The following TBC1D4 variants were observed in gnomAD, a reference collection of about 807,000 sequenced individuals.
TBC1D4 encodes TBC1 domain family member 4.
Under a neutral mutation model 142.5 loss-of-function variants are expected in TBC1D4, and 121 were observed. The ratio of observed to expected loss-of-function variants is 0.85; its 90% CI spans 0.73 to 0.99. TBC1D4 has a LOEUF of 0.99. Ranked by LOEUF, TBC1D4 falls within the 50% of genes least tolerant of loss-of-function variation. The pLI is 0.00. For synonymous variants in TBC1D4, 630 were observed against 628.2 expected (o/e 1.00, Z -0.04); for missense variants, 1,475 against 1,606.6 (o/e 0.92, Z 1.40).
chr13:75,422,017 C>T (rs921693474), intron 1 of TBC1D4, among the ~76,000 whole-genome samples: 1 of 152,212 alleles, frequency 6.6e-6, no homozygotes, highest in Admixed American at 6.5e-5. Flanking sequence ...TGGTCTCTAA[C>T]TCCTGGGATC....
rs182584224 is a variant in TBC1D4 at position 75,336,265 on chromosome 13, C to T, written c.1731+656G>A. Among the ~76,000 whole-genome samples the T allele has an allele frequency of 3.4e-4, 51 of 152,052 alleles. 1 individual carries two copies. The highest frequency in any genetic ancestry group is 1.9e-3 in the Admixed American group (29 of 15,268). On this transcript the variant is annotated intron_variant, in intron 8 of 20. Coordinates refer to ENST00000377636, the MANE Select transcript of TBC1D4 (RefSeq NM_014832.5). ...TACAAAAATTAGCCAGGCGTGGTGG[C>T]GCGCACCTGTAGTCCCAGCTACTCA...
chr13:75,377,588 A>G (rs1883587691), intron 1 of TBC1D4, among the ~76,000 whole-genome samples: 2 of 151,864 alleles, frequency 1.3e-5, no homozygotes, highest in South Asian at 4.2e-4. Context: ...AAAACAAGAC[A>G]TTCGGTTACT....
chr13:75,341,372 T>C (rs1880687127), intron 6 of TBC1D4, 124 bp downstream of exon 6: 5 of 1,231,078 alleles, frequency 4.1e-6, no homozygotes, highest in Admixed American at 1.8e-5. Flanking sequence ...TTCTATTCTA[T>C]CCAGTAGTAC....
In TBC1D4 at chr13:75,301,644, C is replaced by CAA. The variant is rs35184321; in HGVS notation, c.2911+597_2911+598dup. ...TGGGCAACAGAGGGAGACTCCATCT[C>CAA]AAAAAAAAAAAAAAGACTGCTTTAT... is the stretch of plus-strand genomic sequence containing the variant. On this transcript the variant is annotated intron_variant, in intron 16 of 20. Coordinates refer to ENST00000377636, the MANE Select transcript of TBC1D4 (RefSeq NM_014832.5). Among the ~76,000 whole-genome samples the CAA allele has an allele frequency of 0.011, 1,376 of 124,130 alleles. 54 individuals carry two copies. In the East Asian group the frequency reaches 0.14, roughly 13 times the overall value. The allele number at this position is 124,130 out of a possible 152,430, so 81.4% of individuals were successfully genotyped here. A position where few individuals can be genotyped will look rare whatever the true frequency, so the allele number is the denominator to read the frequency against.
intron 1 of TBC1D4, among the ~76,000 whole-genome samples, chr13:75,409,032 T>TACACAC (rs1328091957): frequency 2.3e-5 from 1 of 42,702 alleles, no homozygotes; most frequent in Non-Finnish European, 4.3e-5. Context: ...CATATATATA[T>TACACAC]ACACACACGC....
Position 75,305,984 on chromosome 13 carries a change from A to G in TBC1D4, c.2752+329T>C, listed in dbSNP as rs929152531. Among the ~76,000 whole-genome samples, 16 of 152,352 alleles carry G rather than the reference A, an allele frequency of 1.1e-4. No individual in the cohort carries two copies. The South Asian group carries it at 1.7e-3, about 16-fold the overall frequency. ...GTCATGTAAATATACACATATATGTAAATGAATACTTCTGACCAAATGATG... is the reference window on the plus strand; with the variant it reads ...GTCATGTAAATATACACATATATGTGAATGAATACTTCTGACCAAATGATG... On this transcript the variant is annotated intron_variant, in intron 15 of 20. Transcript: ENST00000377636.
intron 11 of TBC1D4, among the ~76,000 whole-genome samples, chr13:75,322,788 A>C (rs1202773640): frequency 1.3e-5 from 2 of 152,164 alleles, no homozygotes; most frequent in Non-Finnish European, 2.9e-5. Flanking sequence ...TGATATCTTT[A>C]TGTATATTCT....
rs34370058 is a variant in TBC1D4, at chr13:75,448,580, A to AC, written c.498+32689_498+32690insG. ...CGAAACTCCGTCTCAAAAAAAAAAA[A>AC]AAACAATAACAACAACAACAAAAAC... On this transcript the variant is annotated intron_variant, in intron 1 of 20. Coordinates refer to ENST00000377636, the MANE Select transcript of TBC1D4 (RefSeq NM_014832.5). 4.2e-3 allele frequency among the ~76,000 whole-genome samples: 630 copies of AC among 151,690 alleles called. 8 individuals are homozygous for AC. Among genetic ancestry groups the AC allele is most frequent in the African/African-American group, 0.013 (556 of 41,394 alleles).
At chr13:75,365,956 C>T (rs1310989976) in intron 1 of TBC1D4, among the ~76,000 whole-genome samples, 1 of 152,150 alleles carries the variant, frequency 6.6e-6, no homozygotes, top group Non-Finnish European at 1.5e-5. Flanking sequence ...AGATCTGTCA[C>T]ACCCAAAAAT....
chr13:75,335,328 C>A (rs555065844), intron 8 of TBC1D4, among the ~76,000 whole-genome samples: 19 of 152,322 alleles, frequency 1.2e-4, no homozygotes, highest in Admixed American at 7.8e-4. Flanking sequence ...CCAGAACACC[C>A]ACGTAGCTTG....
At chr13:75,333,587 C>A (rs1879945842) in intron 8 of TBC1D4, among the ~76,000 whole-genome samples, 1 of 152,120 alleles carries the variant, frequency 6.6e-6, no homozygotes, top group South Asian at 2.1e-4. Context: ...GCTCCACCAC[C>A]CTGAAATACT....
intron 12 of TBC1D4, among the ~76,000 whole-genome samples, chr13:75,316,717 T>A (rs1043761616): frequency 6.6e-6 from 1 of 152,206 alleles, no homozygotes; most frequent in African/African-American, 2.4e-5. Flanking sequence ...CAAAACCAAA[T>A]GAAACACTGC....
In TBC1D4 at chr13:75,349,292, A is replaced by G; in HGVS notation, c.1286T>C (p.Val429Ala). ...QCASESLVDE[V>A]MLTLKQAFST... The stretch of plus-strand genomic sequence containing the variant: ...GAAGGCCTGTTTCAGAGTCAGCATT[A>G]CCTCATCAACCTACAGGAAGAAACA... Residue 429 changes from valine to alanine, a missense_variant, in exon 5 of 21, where the codon GTA becomes GCA. Physicochemically the swap from Val to Ala is moderately conservative, Grantham distance 64 (BLOSUM62 0). Around this residue, in one of 2 missense-constraint regions of TBC1D4, gnomAD observed 1,227 missense variants for 1,267.7 expected, o/e 0.97. Coordinates refer to ENST00000377636, the MANE Select transcript of TBC1D4 (RefSeq NM_014832.5). 1 of 1,613,892 alleles carries G rather than the reference A, an allele frequency of 6.2e-7. No homozygotes were observed. Among genetic ancestry groups the G allele is most frequent in the South Asian group, 1.1e-5 (1 of 91,076 alleles).
intron 8 of TBC1D4, among the ~76,000 whole-genome samples, chr13:75,329,300 G>A (rs1307269263): frequency 6.6e-6 from 1 of 151,910 alleles, no homozygotes; most frequent in African/African-American, 2.4e-5. Flanking sequence ...CATGGAGTTA[G>A]TGACTACTTC....
At chr13:75,438,035 G>C (rs1406594841) in intron 1 of TBC1D4, among the ~76,000 whole-genome samples, 5 of 152,078 alleles carry the variant, frequency 3.3e-5, no homozygotes. Context: ...AAAATCTTCA[G>C]GTTCTCCCAT....
intron 1 of TBC1D4, among the ~76,000 whole-genome samples, chr13:75,474,646 CTT>C (rs71127545): frequency 0.78 from 114,581 of 146,618 alleles, 45,905 homozygotes; most frequent in East Asian, 0.97. Flanking sequence ...ATAATTTAAC[CTT>C]TTTTTTTTTT....
At position 75,403,093 on chromosome 13, in the gene TBC1D4, G is replaced by A. The variant is rs79249646; in HGVS notation, c.499-40486C>T. On this transcript the variant is annotated intron_variant, in intron 1 of 20. Transcript: ENST00000377636. ...CTCAAGAGTCTGTTTCAGGCATGCA[G>A]GGCTAAAATAAACCAAACCAGCAGA... Among the ~76,000 whole-genome samples, 460 of 152,270 alleles carry A rather than the reference G, an allele frequency of 3.0e-3. 1 individual carries two copies. The highest frequency in any genetic ancestry group is 0.011 in the African/African-American group (442 of 41,552).
chr13:75,405,495 C>T (rs538203588), intron 1 of TBC1D4, among the ~76,000 whole-genome samples: 1 of 152,240 alleles, frequency 6.6e-6, no homozygotes, highest in African/African-American at 2.4e-5. Flanking sequence ...TGGTCTCGAA[C>T]TCCTGAGTTC....
At chr13:75,403,106 C>G (rs1160825389) in intron 1 of TBC1D4, among the ~76,000 whole-genome samples, 1 of 152,198 alleles carries the variant, frequency 6.6e-6, no homozygotes, top group Non-Finnish European at 1.5e-5. Context: ...CTAAAATAAA[C>G]CAAACCAGCA....
Sources: allele counts gnomAD v4.1 joint callset (sites outside exome capture counted in the v4.1 genomes callset), GRCh38; gene constraint gnomAD v4.1.1; regional missense constraint gnomAD v4.1.1; transcripts MANE v1.5; gene names NCBI Gene and HGNC (gene_info 2026-07-23, HGNC 2026-07-21).